ARHGAP31: variants seen among roughly 807,000 people sequenced by gnomAD.
The protein encoded by ARHGAP31 is Rho GTPase activating protein 31.
A neutral mutation model predicts 113.9 loss-of-function variants in ARHGAP31; 34 were observed. That is an observed-to-expected ratio of 0.30 (90% CI 0.23 to 0.40). The LOEUF (loss-of-function observed/expected upper bound fraction) is 0.40. Ranked by LOEUF, ARHGAP31 falls within the 10% of genes least tolerant of loss-of-function variation. The pLI is 1.00. For synonymous variants in ARHGAP31, 650 were observed against 684.8 expected (o/e 0.95, Z 0.79); for missense variants, 1,548 against 1,767.1 (o/e 0.88, Z 2.22).
intron 1 of ARHGAP31, among the ~76,000 whole-genome samples, chr3:119,356,245 A>T (rs1407156179): frequency 6.6e-6 from 1 of 152,222 alleles, no homozygotes; most frequent in Admixed American, 6.5e-5. Flanking sequence ...AACTAAAATT[A>T]TTGCTTTCTT....
intron 8 of ARHGAP31, among the ~76,000 whole-genome samples, chr3:119,396,895 T>C (rs562134853): frequency 1.3e-5 from 2 of 152,326 alleles, no homozygotes; most frequent in East Asian, 1.9e-4. Flanking sequence ...CAGATATGTG[T>C]ATTTTAATTG....
At chr3:119,379,037 A>G (rs1239704584) in intron 3 of ARHGAP31, among the ~76,000 whole-genome samples, 2 of 152,200 alleles carry the variant, frequency 1.3e-5, no homozygotes, top group East Asian at 3.8e-4. Flanking sequence ...GAGAAGTTGG[A>G]TTGCCTTAAA....
rs115492321 is a variant in ARHGAP31 at position 119,394,670 on chromosome 3, G to A, written c.1006+1079G>A. ...AAAAACCAAAAAAACAAAAAAAAGA[G>A]CTGACCGAGCACAGTGGTTCGTGCC... On this transcript the variant is annotated intron_variant, in intron 8 of 11. Coordinates refer to ENST00000264245, the MANE Select transcript of ARHGAP31 (RefSeq NM_020754.4). Among the ~76,000 whole-genome samples, 974 of 152,106 alleles carry A rather than the reference G, an allele frequency of 6.4e-3. 12 individuals carry two copies. The South Asian group carries it at 0.067, about 10-fold the overall frequency.
intron 3 of ARHGAP31, among the ~76,000 whole-genome samples, chr3:119,370,489 A>C (rs1189439549): frequency 6.6e-6 from 1 of 152,216 alleles, no homozygotes; most frequent in African/African-American, 2.4e-5. Context: ...TATAAATCTC[A>C]AATCACCTGA....
chr3:119,356,386 T>G (rs905461215), intron 1 of ARHGAP31, among the ~76,000 whole-genome samples: 9 of 151,948 alleles, frequency 5.9e-5, no homozygotes, highest in Non-Finnish European at 1.2e-4. Flanking sequence ...ATCCCAGCAC[T>G]TTGGGAGGCC....
intron 4 of ARHGAP31, among the ~76,000 whole-genome samples, chr3:119,381,615 C>T (rs1270918971): frequency 1.3e-5 from 2 of 152,136 alleles, no homozygotes; most frequent in African/African-American, 4.8e-5. Flanking sequence ...TTTATTAAAA[C>T]GAGCCTAGAT....
In ARHGAP31 at chr3:119,401,932, C is replaced by T; in HGVS notation, c.1180C>T (p.Gln394Ter). 1 of 1,614,132 alleles carries T rather than the reference C, an allele frequency of 6.2e-7. No individual in the cohort carries two copies. The highest frequency in any genetic ancestry group is 8.5e-7 in the Non-Finnish European group (1 of 1,180,012). ...CGGCAGCTCATGTGACCTCACCAAGCAGGAGGGCGAATGGGGCCAGGAGGG... is the reference window on the plus strand; with the variant it reads ...CGGCAGCTCATGTGACCTCACCAAGTAGGAGGGCGAATGGGGCCAGGAGGG... Reference protein sequence around the residue: ...GTGSSCDLTKQEGEWGQEGMP... With the variant: ...GTGSSCDLTK Residue 394 changes from glutamine (Q) to a stop codon, truncating the protein, a stop_gained, in exon 10 of 12, where the codon CAG (glutamine) becomes TAG (stop). Coordinates refer to ENST00000264245, the MANE Select transcript of ARHGAP31 (RefSeq NM_020754.4). LOFTEE classifies it high-confidence loss of function.
At chr3:119,366,036 T>C (rs2107623167) in intron 2 of ARHGAP31, among the ~76,000 whole-genome samples, 1 of 152,240 alleles carries the variant, frequency 6.6e-6, no homozygotes, top group Admixed American at 6.5e-5. Context: ...TCACATTAAA[T>C]AAAGAGGGCA....
Position 119,402,276 on chromosome 3 carries a change from G to A in ARHGAP31, c.1524G>A (p.Pro508=), listed in dbSNP as rs749388940. The A allele has an allele frequency of 6.2e-7, 1 of 1,614,256 alleles. No homozygotes were observed. Among genetic ancestry groups the A allele is most frequent in the Non-Finnish European group, 8.5e-7 (1 of 1,180,060 alleles). The change falls in exon 10 of 12, where the codon CCG becomes CCA. Residue 508 remains proline, a synonymous_variant. Coordinates refer to ENST00000264245, the MANE Select transcript of ARHGAP31 (RefSeq NM_020754.4). ...CAGTCATCAGCACCAACAGCACGCC[G>A]TGCAGAACACCCCCGAAGGAGCTGC... ...VSAVISTNST[P]CRTPPKELQS...
At chr3:119,371,408 A>G (rs957853180) in intron 3 of ARHGAP31, among the ~76,000 whole-genome samples, 2 of 152,196 alleles carry the variant, frequency 1.3e-5, no homozygotes, top group East Asian at 3.8e-4. Context: ...GAAATCTGAC[A>G]TTGTATTTAA....
chr3:119,296,012 T>C (rs1294488921), intron 1 of ARHGAP31, among the ~76,000 whole-genome samples: 1 of 152,214 alleles, frequency 6.6e-6, no homozygotes, highest in East Asian at 1.9e-4. Context: ...AGGCCATGTG[T>C]TTATACATAG....
intron 1 of ARHGAP31, among the ~76,000 whole-genome samples, chr3:119,328,596 A>C (rs1347648656): frequency 6.6e-6 from 1 of 151,556 alleles, no homozygotes; most frequent in East Asian, 1.9e-4. Context: ...CTCCCTGCCC[A>C]CCCAAACCCC....
chr3:119,307,940 CA>C (rs71156742), intron 1 of ARHGAP31, among the ~76,000 whole-genome samples: 1,246 of 45,402 alleles, frequency 0.027, 60 homozygotes, highest in Non-Finnish European at 0.041. Context: ...GAATTAACAG[CA>C]AAAAAAAAAA....
chr3:119,388,482 G>A (rs1007079432), intron 6 of ARHGAP31, among the ~76,000 whole-genome samples: 6 of 152,096 alleles, frequency 3.9e-5, no homozygotes, highest in Admixed American at 3.9e-4. Context: ...GAGCAGGCCA[G>A]TGCAGGATCT....
rs2080007296 is a variant in ARHGAP31, at chr3:119,341,407, A to G, written c.101-23909A>G. 2.0e-5 allele frequency among the ~76,000 whole-genome samples: 3 copies of G among 152,218 alleles called. No homozygotes were observed. The South Asian group carries it at 6.2e-4, about 32-fold the overall frequency. On this transcript the variant is annotated intron_variant, in intron 1 of 11. Coordinates refer to ENST00000264245, the MANE Select transcript of ARHGAP31 (RefSeq NM_020754.4). The stretch of plus-strand genomic sequence containing the variant: ...AGGCACTGTTCTAAGTGCTTTCCAC[A>G]GGTTAACTCATTTAATCTGCTCAGC...
At chr3:119,354,259 T>A (rs7616773) in intron 1 of ARHGAP31, among the ~76,000 whole-genome samples, 27,617 of 152,116 alleles carry the variant, frequency 0.18, 3,540 homozygotes, top group African/African-American at 0.37. Flanking sequence ...CAGCAAACAT[T>A]TAGAACTTGG....
Position 119,294,494 on chromosome 3 carries a change from CA to C in ARHGAP31, c.-410del. On this transcript the variant is annotated 5_prime_UTR_variant, in exon 1 of 12. Transcript: ENST00000264245. ...GCAGGACCCACCGCAGCCCCCTGGG[CA>C]GTCTCCTCGCCCCGCGTCCGCGTCG... is the stretch of plus-strand genomic sequence containing the variant. The C allele has an allele frequency of 2.2e-6, 1 of 453,614 alleles. No individual in the cohort carries two copies. The allele number at this position is 453,614 out of a possible 1,614,324, so 28.1% of individuals were successfully genotyped here.
rs2080775127 is a variant in ARHGAP31 at position 119,416,098 on chromosome 3, G to A, written c.4169G>A (p.Gly1390Glu). 1 of 1,614,082 alleles carries A rather than the reference G, an allele frequency of 6.2e-7. No individual in the cohort carries two copies. The highest frequency in any genetic ancestry group is 1.3e-5 in the African/African-American group (1 of 74,928). ...ACAGTTTCCCCTGGCCTTCTTTGTG[G>A]AGAGTTGGCAGAAAACACATGGGTC... Reference protein sequence around the residue: ...TQTVSPGLLCGELAENTWVTP... With the variant: ...TQTVSPGLLCEELAENTWVTP... Residue 1390 changes from glycine (G) to glutamate (E), a missense_variant, in exon 12 of 12, where the codon GGA becomes GAA. Transcript: ENST00000264245.
chr3:119,329,472 A>C (rs111424691), intron 1 of ARHGAP31, among the ~76,000 whole-genome samples: 2,407 of 152,292 alleles, frequency 0.016, 65 homozygotes, highest in South Asian at 0.067. Flanking sequence ...AAAATATAGA[A>C]TGCTTGTTGC....
Sources: allele counts gnomAD v4.1 joint callset (sites outside exome capture counted in the v4.1 genomes callset), GRCh38; gene constraint gnomAD v4.1.1; transcripts MANE v1.5; gene names NCBI Gene and HGNC (gene_info 2026-07-23, HGNC 2026-07-21).